Variants in TXNDC5 observed in about 807,000 individuals in gnomAD.
TXNDC5 encodes the protein thioredoxin domain-containing protein 5.
A neutral mutation model predicts 52.6 loss-of-function variants in TXNDC5; 44 were observed. That is an observed-to-expected ratio of 0.84 (90% CI 0.66 to 1.08). TXNDC5 has a LOEUF of 1.08. TXNDC5 is among the 50% of genes least tolerant of loss of function. The probability of loss-of-function intolerance (pLI) is 0.00; values close to 1 mark genes in which losing one functional copy is unlikely to be tolerated. For synonymous variants in TXNDC5, 241 were observed against 234.4 expected, an observed-to-expected ratio of 1.03 and a Z score of -0.26; for missense variants, 600 against 565.5, an observed-to-expected ratio of 1.06 and a Z score of -0.62.
intron 2 of TXNDC5, among the ~76,000 whole-genome samples, chr6:7,901,666 G>A (rs891026866): frequency 5.9e-5 from 9 of 152,144 alleles, no homozygotes; most frequent in African/African-American, 2.2e-4. Context: ...GGGTGAGGGA[G>A]GTGATGGAGA....
At chr6:7,884,215 T>C in intron 9 of TXNDC5, 144 bp downstream of exon 9, 1 of 1,121,150 alleles carries the variant, frequency 8.9e-7, no homozygotes, top group Non-Finnish European at 1.3e-6. Flanking sequence ...CTCTTTTGCT[T>C]CTCCAAACAA....
chr6:7,901,298 G>C (rs948294732), intron 2 of TXNDC5, among the ~76,000 whole-genome samples: 1 of 152,146 alleles, frequency 6.6e-6, no homozygotes, highest in African/African-American at 2.4e-5. Flanking sequence ...TCCGCACCTG[G>C]AAACAGAAAC....
rs367685457 is a variant in TXNDC5 at position 7,909,459 on chromosome 6, C to G, written c.263+1055G>C. On this transcript the variant is annotated intron_variant, in intron 1 of 9. Transcript: ENST00000379757. ...ATGCTTGTGTGAATGACAGGAAGCT[C>G]TTCCGTGGGATGAGTGCCAGGGTAG... Among the ~76,000 whole-genome samples, 8 of 152,356 alleles carry G rather than the reference C, an allele frequency of 5.3e-5. No homozygotes were observed. In the East Asian group the frequency reaches 1.4e-3, roughly 26 times the overall value.
intron 5 of TXNDC5, among the ~76,000 whole-genome samples, chr6:7,890,526 A>C (rs1381904811): frequency 6.6e-6 from 1 of 152,206 alleles, no homozygotes; most frequent in Non-Finnish European, 1.5e-5. Flanking sequence ...TATAAACCTA[A>C]AAGAATCTCC....
Position 7,887,643 on chromosome 6 carries a change from G to A in TXNDC5, c.963+1062C>T, listed in dbSNP as rs960278174. Among the ~76,000 whole-genome samples, 7 of 152,144 alleles carry A rather than the reference G, an allele frequency of 4.6e-5. No homozygotes were observed. The East Asian group carries it at 9.6e-4, about 21-fold the overall frequency. ...CCCACCTCCAGCACACGTGCATGCC[G>A]GTCATTTTCCTACAACTCCAATCTG... On this transcript the variant is annotated intron_variant, in intron 7 of 9. Transcript: ENST00000379757.
In TXNDC5 at chr6:7,889,479, A is replaced by G; in HGVS notation, c.819+16T>C. 1 of 1,611,382 alleles carries G rather than the reference A, an allele frequency of 6.2e-7. No homozygotes were observed. The highest frequency in any genetic ancestry group is 1.1e-5 in the South Asian group (1 of 90,980). On this transcript the variant is annotated intron_variant, in intron 6 of 9. Coordinates refer to ENST00000379757, the MANE Select transcript of TXNDC5 (RefSeq NM_030810.5). ...AAGAGATGAAGAATTCTCAGTACTA[A>G]GAAGTGCAGACGTACCTTTTTCCCA...
At position 7,884,483 on chromosome 6, in the gene TXNDC5, C is replaced by T; in HGVS notation, c.1052G>A (p.Gly351Asp). The T allele has an allele frequency of 6.2e-7, 1 of 1,614,074 alleles. No individual in the cohort carries two copies. Among genetic ancestry groups the T allele is most frequent in the South Asian group, 1.1e-5 (1 of 91,072 alleles). Residue 351 changes from glycine (G) to aspartate (D), a missense_variant, in exon 9 of 10, where the codon GGT becomes GAT. By Grantham distance (94) the Gly-to-Asp change is moderately conservative (BLOSUM62 -1). Coordinates refer to ENST00000379757, the MANE Select transcript of TXNDC5 (RefSeq NM_030810.5). The part of the protein sequence containing the change: ...TFIKFYAPWC[G>D]HCKTLAPTWE... ...AGTAGGAGCCAGAGTCTTACAATGA[C>T]CACACCTAAGACGAGAAAAATGGCA...
chr6:7,910,484 G>C, intron 1 of TXNDC5, 30 bp downstream of exon 1: 4 of 1,400,630 alleles, frequency 2.9e-6, no homozygotes, highest in Non-Finnish European at 3.8e-6. Flanking sequence ...CGCCAAGTGC[G>C]GGGCAGGGCG....
At chr6:7,900,983 T>C (rs1002758545) in intron 2 of TXNDC5, among the ~76,000 whole-genome samples, 4 of 152,092 alleles carry the variant, frequency 2.6e-5, no homozygotes, top group African/African-American at 4.8e-5. Context: ...CTCCTTAAAA[T>C]GAAGTCACAT....
intron 3 of TXNDC5, among the ~76,000 whole-genome samples, chr6:7,898,489 G>C (rs1760450516): frequency 6.6e-6 from 1 of 152,198 alleles, no homozygotes; most frequent in Non-Finnish European, 1.5e-5. Context: ...ACAGTAAGCG[G>C]CAAAGCTCCA....
At chr6:7,884,571 T>C in intron 8 of TXNDC5, 83 bp from the exon 9 acceptor site, 3 of 1,590,610 alleles carry the variant, frequency 1.9e-6, no homozygotes, top group Non-Finnish European at 2.6e-6. Context: ...CAAGCTCTGT[T>C]TCTTCTGTAT....
At chr6:7,890,257 C>T (rs941286993) in intron 5 of TXNDC5, among the ~76,000 whole-genome samples, 3 of 152,126 alleles carry the variant, frequency 2.0e-5, no homozygotes, top group African/African-American at 4.8e-5. Flanking sequence ...TCTACCAGCA[C>T]TAAAATAGGC....
rs369704257 is a variant in TXNDC5 at position 7,888,779 on chromosome 6, T to C, written c.889A>G (p.Thr297Ala). 1.9e-6 allele frequency: 3 copies of C among 1,614,018 alleles called. No homozygotes were observed. Among genetic ancestry groups the C allele is most frequent in the African/African-American group, 2.7e-5 (2 of 74,928 alleles). The change falls in exon 7 of 10, where the codon ACA becomes GCA. Residue 297 changes from threonine to alanine, a missense_variant. Coordinates refer to ENST00000379757, the MANE Select transcript of TXNDC5 (RefSeq NM_030810.5). Reference protein sequence around the residue: ...REYVESQLQRTETGATETVTP... With the variant: ...REYVESQLQRAETGATETVTP... The stretch of plus-strand genomic sequence containing the variant: ...ACGGTCTCCGTCGCTCCAGTCTCTG[T>C]GCGCTGCAGCTGCGACTCCACGTAC...
At position 7,910,590 on chromosome 6, in the gene TXNDC5, T is replaced by C; in HGVS notation, c.187A>G (p.Lys63Glu). Residue 63 changes from lysine to glutamate, a missense_variant, in exon 1 of 10, where the codon AAG becomes GAG. Lys to Glu is a moderately conservative substitution (Grantham distance 56). Transcript: ENST00000379757. ...AACATGTCGGCCGTGTACAGGTGCTTGCTGTGCGGGTCCTGTCCGTCCTCG... is the reference window on the plus strand; with the variant it reads ...AACATGTCGGCCGTGTACAGGTGCTCGCTGTGCGGGTCCTGTCCGTCCTCG... ...DGEDGQDPHS[K>E]HLYTADMFTH... 1 of 1,400,132 alleles carries C rather than the reference T, an allele frequency of 7.1e-7. No individual in the cohort carries two copies. Among genetic ancestry groups the C allele is most frequent in the Non-Finnish European group, 9.4e-7 (1 of 1,060,386 alleles). The allele number at this position is 1,400,132 out of a possible 1,614,324, so 86.7% of individuals were successfully genotyped here.
chr6:7,892,424 T>A (rs1450779031), intron 4 of TXNDC5, among the ~76,000 whole-genome samples: 1 of 152,248 alleles, frequency 6.6e-6, no homozygotes, highest in Non-Finnish European at 1.5e-5. Flanking sequence ...CTGGAGAACA[T>A]GCAGGTTAAA....
intron 4 of TXNDC5, among the ~76,000 whole-genome samples, chr6:7,892,602 C>A (rs919137924): frequency 2.0e-5 from 3 of 152,188 alleles, no homozygotes; most frequent in African/African-American, 7.2e-5. Context: ...GTAACTGAGT[C>A]ACGGGGACAG....
chr6:7,889,233 A>G (rs7746818), intron 6 of TXNDC5: 9,353 of 472,336 alleles, frequency 0.02, 156 homozygotes, highest in African/African-American at 0.061. Context: ...TGTGTTTACA[A>G]CCAGAGCACA....
intron 6 of TXNDC5, 24 bp from the exon 7 acceptor site, chr6:7,888,872 CTGAG>C (rs773133109): frequency 1.9e-6 from 3 of 1,585,176 alleles, no homozygotes; most frequent in South Asian, 1.2e-5. Flanking sequence ...GGGCACGCGG[CTGAG>C]TGAGTCCACT....
chr6:7,886,055 G>A lies in TXNDC5; in HGVS notation c.964-12C>T. On this transcript the variant is annotated splice_polypyrimidine_tract_variant and intron_variant, in intron 7 of 9. Transcript: ENST00000379757. ...GCCAACACAGTGCCCTTCAAGGGAG[G>A]AAAAAGCCACAGTTCAAGTACATCC... 2 of 1,612,872 alleles carry A rather than the reference G, an allele frequency of 1.2e-6. No individual in the cohort carries two copies. The highest frequency in any genetic ancestry group is 2.2e-5 in the South Asian group (2 of 90,848).
Sources: gnomAD v4.1 joint callset for allele counts (sites outside exome capture counted in the v4.1 genomes callset) on GRCh38, gnomAD v4.1.1 for gene constraint, MANE v1.5 for transcripts, NCBI Gene and HGNC (gene_info 2026-07-23, HGNC 2026-07-21) for gene names.